SI: variants seen among roughly 807,000 people sequenced by gnomAD.
SI encodes the protein sucrase-isomaltase, intestinal.
A neutral mutation model predicts 253.3 loss-of-function variants in SI; 235 were observed. The ratio of observed to expected loss-of-function variants is 0.93; its 90% CI spans 0.83 to 1.03. SI has a LOEUF of 1.03. Among genes scored for constraint, SI ranks in the 50% least tolerant of loss-of-function variants. The pLI is 0.00. For synonymous variants in SI, 819 were observed against 712.0 expected (o/e 1.15, Z -2.39); for missense variants, 2,442 against 2,211.1 (o/e 1.10, Z -2.09).
chr3:165,043,345 T>C (rs1162101796), intron 16 of SI, among the ~76,000 whole-genome samples, 170 bp from the exon 17 acceptor site: 4 of 152,012 alleles, frequency 2.6e-5, no homozygotes, highest in African/African-American at 7.2e-5. Context: ...TATCCTTGTC[T>C]CTAGTTGCAT....
intron 13 of SI, among the ~76,000 whole-genome samples, chr3:165,054,515 C>T (rs1016129271): frequency 6.6e-6 from 1 of 151,952 alleles, no homozygotes; most frequent in African/African-American, 2.4e-5. Context: ...CCACCAAGCC[C>T]AACTAATTTT....
intron 12 of SI, among the ~76,000 whole-genome samples, chr3:165,058,591 A>G (rs559323453): frequency 4.9e-4 from 75 of 152,106 alleles, no homozygotes; most frequent in African/African-American, 1.7e-3. Context: ...AAAAGGAGAC[A>G]TGACAACAGA....
At chr3:165,015,077 A>G (rs1213395727) in intron 33 of SI, 46 bp downstream of exon 33, 8 of 1,410,568 alleles carry the variant, frequency 5.7e-6, no homozygotes, top group Non-Finnish European at 8.0e-6. Context: ...CTTTCATTGA[A>G]ATATAATTTT....
At chr3:165,046,037 G>A (rs1338031865) in intron 16 of SI, among the ~76,000 whole-genome samples, 2 of 151,586 alleles carry the variant, frequency 1.3e-5, no homozygotes, top group Non-Finnish European at 2.9e-5. Context: ...CACCATGTTG[G>A]CCAGGCTGGT....
chr3:165,083,308 T>A (rs66807896), upstream of SI, among the ~76,000 whole-genome samples: 90,927 of 151,662 alleles, frequency 0.6, 27,453 homozygotes, highest in East Asian at 0.81. Context: ...GATTTCATGC[T>A]TGTGACTTCC....
chr3:165,087,297 G>A, the SI span, among the ~76,000 whole-genome samples: 28 of 152,058 alleles, frequency 1.8e-4, 1 homozygote, highest in East Asian at 2.5e-3. Flanking sequence ...CTATAATGGA[G>A]GCCAAACTAG....
upstream of SI, among the ~76,000 whole-genome samples, chr3:165,079,469 A>T (rs1715207223): frequency 2.0e-5 from 3 of 151,728 alleles, no homozygotes; most frequent in South Asian, 6.2e-4. Context: ...AGAAAATTTA[A>T]AAAAAGTATG....
chr3:165,066,301 A>G (rs1327910330), intron 6 of SI, among the ~76,000 whole-genome samples: 1 of 151,784 alleles, frequency 6.6e-6, no homozygotes, highest in Non-Finnish European at 1.5e-5. Flanking sequence ...TCAGTGGGGG[A>G]GTGGGGATTA....
At chr3:164,998,849 A>T (rs1303542813) in intron 37 of SI, among the ~76,000 whole-genome samples, 176 bp from the exon 38 acceptor site, 1 of 151,842 alleles carries the variant, frequency 6.6e-6, no homozygotes, top group East Asian at 1.9e-4. Flanking sequence ...TCCTCAAAAC[A>T]TAAAGGACGT....
At chr3:165,040,125 T>A (rs1044767144) in intron 18 of SI, among the ~76,000 whole-genome samples, 154 bp from the exon 19 acceptor site, 1 of 151,770 alleles carries the variant, frequency 6.6e-6, no homozygotes, top group Non-Finnish European at 1.5e-5. Flanking sequence ...GGTTCTTACA[T>A]CCTTTATTGT....
intron 37 of SI, among the ~76,000 whole-genome samples, chr3:164,999,988 T>C (rs1718185889): frequency 6.6e-6 from 1 of 151,454 alleles, no homozygotes; most frequent in Non-Finnish European, 1.5e-5. Context: ...ATATTAATCT[T>C]TTAAATATAC....
At chr3:164,997,710 T>G (rs1295039342) in intron 38 of SI, among the ~76,000 whole-genome samples, 2 of 151,770 alleles carry the variant, frequency 1.3e-5, no homozygotes, top group African/African-American at 4.8e-5. Flanking sequence ...ACACAGTGTT[T>G]AGCTCCCAGT....
At chr3:165,060,647 CA>C (rs754328016) in intron 9 of SI, among the ~76,000 whole-genome samples, 1 of 151,272 alleles carries the variant, frequency 6.6e-6, no homozygotes, top group African/African-American at 2.4e-5. Flanking sequence ...ATGGCCCAGG[CA>C]ATCTCAGTGC....
intron 1 of SI, among the ~76,000 whole-genome samples, chr3:165,076,838 T>G (rs544868216): frequency 6.6e-6 from 1 of 151,704 alleles, no homozygotes; most frequent in Non-Finnish European, 1.5e-5. Context: ...ATCTTATTTT[T>G]CTTAGTTCTC....
chr3:165,061,166 A>C (rs1713967809), intron 9 of SI, among the ~76,000 whole-genome samples: 1 of 151,744 alleles, frequency 6.6e-6, no homozygotes, highest in African/African-American at 2.4e-5. Context: ...TGTTGACATA[A>C]ATTTTTTCTC....
intron 41 of SI, 107 bp downstream of exon 41, chr3:164,994,150 G>C: frequency 9.9e-7 from 1 of 1,011,174 alleles, no homozygotes; most frequent in Non-Finnish European, 1.5e-6. Flanking sequence ...TATAACAATG[G>C]AAAAACTGCC....
chr3:165,053,808 G>GA (rs1317359042), intron 13 of SI, among the ~76,000 whole-genome samples: 1 of 151,132 alleles, frequency 6.6e-6, no homozygotes, highest in Non-Finnish European at 1.5e-5. Context: ...TCCTAACTAA[G>GA]AAAAAAATAA....
intron 1 of SI, among the ~76,000 whole-genome samples, chr3:165,076,637 C>T (rs1012268124): frequency 6.6e-6 from 1 of 151,516 alleles, no homozygotes; most frequent in African/African-American, 2.4e-5. Flanking sequence ...TTTGAATTTT[C>T]ACCAAGTTCC....
chr3:165,034,908 A>G (rs574996100), intron 22 of SI, among the ~76,000 whole-genome samples: 7 of 152,154 alleles, frequency 4.6e-5, no homozygotes, highest in South Asian at 4.1e-4. Flanking sequence ...AAAAAGAGCT[A>G]CAGGCCAGTT....
Sources: gnomAD v4.1 joint callset for allele counts (sites outside exome capture counted in the v4.1 genomes callset) on GRCh38, gnomAD v4.1.1 for gene constraint, MANE v1.5 for transcripts, NCBI Gene and HGNC (gene_info 2026-07-23, HGNC 2026-07-21) for gene names.